Variants in MEIOC observed in about 807,000 individuals in gnomAD.
MEIOC encodes meiosis specific with coiled-coil domain.
In MEIOC, 9 loss-of-function variants were observed where a neutral mutation model predicts 85.3. The observed-to-expected ratio is 0.11, with a 90% CI of 0.06 to 0.18. MEIOC has a LOEUF of 0.18. Ranked by LOEUF, MEIOC falls within the 10% of genes least tolerant of loss-of-function variation. The pLI is 1.00. For synonymous variants in MEIOC, 365 were observed against 393.7 expected, an observed-to-expected ratio of 0.93 and a Z score of 0.86; for missense variants, 898 against 1,129.4, an observed-to-expected ratio of 0.80 and a Z score of 2.94.
intron 6 of MEIOC, 109 bp downstream of exon 6, chr17:44,669,626 G>C (rs1394984559): frequency 3.8e-6 from 4 of 1,063,146 alleles, no homozygotes; most frequent in Non-Finnish European, 5.6e-6. Context: ...TTGGGAGGCC[G>C]AGGCGGGCAG....
chr17:44,663,648 GTGAA>G (rs1971869169), intron 3 of MEIOC, among the ~76,000 whole-genome samples: 1 of 152,108 alleles, frequency 6.6e-6, no homozygotes. Context: ...ATCAAGAAAA[GTGAA>G]AGTCTGTCTT....
chr17:44,663,676 C>T (rs1054932793), intron 3 of MEIOC, among the ~76,000 whole-genome samples: 1 of 152,066 alleles, frequency 6.6e-6, no homozygotes, highest in Non-Finnish European at 1.5e-5. Flanking sequence ...CTTCTCCCCC[C>T]GCCACCCAAT....
At position 44,656,564 on chromosome 17, in the gene MEIOC, C is replaced by T. The variant is rs1204608934; in HGVS notation, c.-50C>T. ...GGGCCTGGACGCCCCCCCCATCACC[C>T]CCGTACCCCAGGAGCTGTGCCTAGT... On this transcript the variant is annotated 5_prime_UTR_variant, in exon 1 of 8. Transcript: ENST00000409122. 5.8e-6 allele frequency: 8 copies of T among 1,374,424 alleles called. No individual in the cohort carries two copies. Among genetic ancestry groups the T allele is most frequent in the Non-Finnish European group, 7.6e-6 (8 of 1,050,136 alleles). The allele number at this position is 1,374,424 out of a possible 1,614,324, so 85.1% of individuals were successfully genotyped here.
rs889080704 is a variant in MEIOC, at chr17:44,666,577, A to G, written c.666A>G (p.Glu222=). Residue 222 remains glutamate (E), a synonymous_variant, in exon 5 of 8, where the codon GAA becomes GAG. Coordinates refer to ENST00000409122, the MANE Select transcript of MEIOC (RefSeq NM_001145080.3). ...TCACACCACAACAAAAAATAGATGA[A>G]CTTCATCATGGATTTACTGGTTTAG... is the stretch of plus-strand genomic sequence containing the variant. ...SNLTPQQKID[E]LHHGFTGLDL... 1 of 1,610,632 alleles carries G rather than the reference A, an allele frequency of 6.2e-7. No individual in the cohort carries two copies. Among genetic ancestry groups the G allele is most frequent in the Non-Finnish European group, 8.5e-7 (1 of 1,178,200 alleles).
intron 5 of MEIOC, 75 bp from the exon 6 acceptor site, chr17:44,669,308 C>A: frequency 8.3e-7 from 1 of 1,210,576 alleles, no homozygotes; most frequent in Non-Finnish European, 1.2e-6. Flanking sequence ...ATTTATTAGG[C>A]TTACGAAAAC....
At chr17:44,657,968 C>T (rs1971788670) in intron 2 of MEIOC, among the ~76,000 whole-genome samples, 1 of 152,000 alleles carries the variant, frequency 6.6e-6, no homozygotes, top group African/African-American at 2.4e-5. Context: ...TCTTCCGTCT[C>T]AGCCTCCCCA....
In MEIOC at chr17:44,656,790, G is replaced by A. The variant is rs1276934865; in HGVS notation, c.69+108G>A. 5.8e-6 allele frequency: 4 copies of A among 683,998 alleles called. No homozygotes were observed. In the East Asian group the frequency reaches 1.1e-4, roughly 19 times the overall value. The allele number at this position is 683,998 out of a possible 1,614,324, so 42.4% of individuals were successfully genotyped here. On this transcript the variant is annotated intron_variant, in intron 1 of 7. Transcript: ENST00000409122. Reference sequence around the variant, plus strand: ...GTCCCTAGACGGGGCGGCAGAGGCGGGTCGTCGGTGGGGAGGCCGAACGGG... The same window carrying A: ...GTCCCTAGACGGGGCGGCAGAGGCGAGTCGTCGGTGGGGAGGCCGAACGGG...
At chr17:44,673,184 A>G in intron 6 of MEIOC, 182 bp from the exon 7 acceptor site, 1 of 449,910 alleles carries the variant, frequency 2.2e-6, no homozygotes, top group Admixed American at 4.0e-5. Context: ...AACATAGACA[A>G]GTAGATAGAA....
rs1187794626 is a variant in MEIOC, at chr17:44,667,690, A to G, written c.1779A>G (p.Ser593=). The G allele has an allele frequency of 1.2e-6, 2 of 1,613,366 alleles. No homozygotes were observed. The highest frequency in any genetic ancestry group is 2.7e-5 in the African/African-American group (2 of 75,060). The change falls in exon 5 of 8, where the codon TCA becomes TCG. Residue 593 remains serine, a synonymous_variant. Coordinates refer to ENST00000409122, the MANE Select transcript of MEIOC (RefSeq NM_001145080.3). ...CAAATGGATTTTGTGATAACTATTC[A>G]GCTCAGAAGTATGGGATAATTGAAA... The part of the protein sequence containing the change: ...KQPNGFCDNY[S]AQKYGIIENV...
At position 44,667,705 on chromosome 17, in the gene MEIOC, G is replaced by C; in HGVS notation, c.1794G>C (p.Gly598=). The C allele has an allele frequency of 6.2e-7, 1 of 1,613,448 alleles. No homozygotes were observed. The highest frequency in any genetic ancestry group is 8.5e-7 in the Non-Finnish European group (1 of 1,179,658). ...FCDNYSAQKY[G]IIENVNKHNF... is the part of the protein sequence containing the mutation. ...ATAACTATTCAGCTCAGAAGTATGG[G>C]ATAATTGAAAATGTAAACAAACATA... Residue 598 remains glycine, a synonymous_variant, in exon 5 of 8, where the codon GGG becomes GGC. Coordinates refer to ENST00000409122, the MANE Select transcript of MEIOC (RefSeq NM_001145080.3).
chr17:44,667,376 A>G lies in MEIOC; in HGVS notation c.1465A>G (p.Ile489Val). The G allele has an allele frequency of 3.7e-6, 6 of 1,613,902 alleles. No homozygotes were observed. Among genetic ancestry groups the G allele is most frequent in the Non-Finnish European group, 5.1e-6 (6 of 1,179,842 alleles). Residue 489 changes from isoleucine to valine, a missense_variant, in exon 5 of 8, where the codon ATT (isoleucine) becomes GTT (valine). Around this residue, in one of 2 missense-constraint regions of MEIOC, gnomAD observed 734 missense variants for 860.1 expected, o/e 0.85. Coordinates refer to ENST00000409122, the MANE Select transcript of MEIOC (RefSeq NM_001145080.3). ...TGTTCAAACAAAAAATAACACTCCT[A>G]TTCCTTATCGAAATCAAGGTAACTT... ...MNVQTKNNTP[I>V]PYRNQGNLMK...
intron 5 of MEIOC, 78 bp downstream of exon 5, chr17:44,668,311 T>C: frequency 8.0e-7 from 1 of 1,251,448 alleles, no homozygotes; most frequent in East Asian, 2.3e-5. Flanking sequence ...TAGTGTAGTG[T>C]AAGAGTACTT....
At chr17:44,661,181 G>T (rs1041161141) in intron 2 of MEIOC, among the ~76,000 whole-genome samples, 2 of 151,598 alleles carry the variant, frequency 1.3e-5, no homozygotes, top group African/African-American at 4.9e-5. Flanking sequence ...CCAGTTACTT[G>T]GGAGGCTAAG....
In MEIOC at chr17:44,674,575, G is replaced by GA; in HGVS notation, c.*381dup. On this transcript the variant is annotated 3_prime_UTR_variant, in exon 8 of 8. Coordinates refer to ENST00000409122, the MANE Select transcript of MEIOC (RefSeq NM_001145080.3). ...TTAGTTAAGTATAATTCCAAATAAT[G>GA]AATCTAAGTGACTGTAACCCAATTA... The GA allele has an allele frequency of 1.0e-6, 1 of 998,800 alleles. No individual in the cohort carries two copies. The highest frequency in any genetic ancestry group is 1.2e-6 in the Non-Finnish European group (1 of 837,548). The allele number at this position is 998,800 out of a possible 1,614,324, so 61.9% of individuals were successfully genotyped here.
chr17:44,661,298 A>AG (rs1283409591), intron 2 of MEIOC, among the ~76,000 whole-genome samples: 5 of 150,966 alleles, frequency 3.3e-5, no homozygotes, highest in African/African-American at 1.2e-4. Flanking sequence ...CAAAAAAAAA[A>AG]AAAAAAAAAA....
At chr17:44,669,816 C>T (rs111574702) in intron 6 of MEIOC, 6,221 of 284,368 alleles carry the variant, frequency 0.022, 228 homozygotes, top group African/African-American at 0.094. Context: ...GTGAAGATCA[C>T]GCCACTGCAC....
chr17:44,673,814 A>G, intron 7 of MEIOC, 162 bp from the exon 8 acceptor site: 1 of 854,894 alleles, frequency 1.2e-6, no homozygotes, highest in Non-Finnish European at 1.8e-6. Context: ...ACTTTTAAAT[A>G]TTTTAATGAT....
rs760898313 is a variant in MEIOC at position 44,666,967 on chromosome 17, A to C, written c.1056A>C (p.Lys352Asn). 3 of 1,612,744 alleles carry C rather than the reference A, an allele frequency of 1.9e-6. No homozygotes were observed. Among genetic ancestry groups the C allele is most frequent in the Non-Finnish European group, 1.7e-6 (2 of 1,179,308 alleles). Residue 352 changes from lysine to asparagine, a missense_variant, in exon 5 of 8, where the codon AAA becomes AAC. By Grantham distance (94) the Lys-to-Asn change is moderately conservative (BLOSUM62 0). This residue lies in a region of MEIOC where 734 missense variants were observed against 860.1 expected (regional missense o/e 0.85). Transcript: ENST00000409122. Reference protein sequence around the residue: ...CSNFSVQDSKKLANGTPETPT... With the variant: ...CSNFSVQDSKNLANGTPETPT... ...ATTTTAGTGTCCAAGATAGCAAAAA[A>C]TTAGCCAATGGCACACCTGAAACAC...
chr17:44,672,380 T>C (rs768643030), intron 6 of MEIOC, among the ~76,000 whole-genome samples: 4 of 152,210 alleles, frequency 2.6e-5, no homozygotes, highest in Non-Finnish European at 5.9e-5. Flanking sequence ...TGTGTGTGTT[T>C]TGTTTTCCCC....
Sources: allele counts gnomAD v4.1 joint callset (sites outside exome capture counted in the v4.1 genomes callset), GRCh38; gene constraint gnomAD v4.1.1; regional missense constraint gnomAD v4.1.1; transcripts MANE v1.5; gene names NCBI Gene and HGNC (gene_info 2026-07-23, HGNC 2026-07-21).